Variants in VWA3B observed in about 807,000 individuals in gnomAD.
The protein encoded by VWA3B is von Willebrand factor A domain-containing protein 3B.
A neutral mutation model predicts 158.3 loss-of-function variants in VWA3B; 138 were observed. The observed-to-expected ratio is 0.87, with a 90% CI of 0.76 to 1.00. VWA3B has a LOEUF of 1.00. Among genes scored for constraint, VWA3B ranks in the 50% least tolerant of loss-of-function variants. VWA3B has a pLI of 0.00. For missense variants in VWA3B, 1,555 were observed against 1,565.1 expected (o/e 0.99, Z 0.11); for synonymous variants, 596 against 587.3 (o/e 1.01, Z -0.21).
intron 22 of VWA3B, among the ~76,000 whole-genome samples, chr2:98,277,697 C>T (rs2105908629): frequency 6.6e-6 from 1 of 152,132 alleles, no homozygotes; most frequent in East Asian, 1.9e-4. Context: ...AGAAAGAGAG[C>T]GTTAGGAAAA....
intron 13 of VWA3B, among the ~76,000 whole-genome samples, chr2:98,217,543 A>G (rs1396937949): frequency 6.6e-6 from 1 of 152,174 alleles, no homozygotes; most frequent in African/African-American, 2.4e-5. Flanking sequence ...CATGGACTGT[A>G]AGTTCAGGCA....
At chr2:98,113,696 C>G (rs963197067) in intron 2 of VWA3B, among the ~76,000 whole-genome samples, 1 of 152,156 alleles carries the variant, frequency 6.6e-6, no homozygotes, top group African/African-American at 2.4e-5. Context: ...TCTACACTTT[C>G]CTACCCCTAA....
intron 2 of VWA3B, among the ~76,000 whole-genome samples, chr2:98,099,731 C>T (rs1682955338): frequency 6.6e-6 from 1 of 152,042 alleles, no homozygotes; most frequent in Non-Finnish European, 1.5e-5. Flanking sequence ...TCCCATAAGT[C>T]CCATAGCTTT....
chr2:98,317,710 A>G, downstream of VWA3B, among the ~76,000 whole-genome samples: 1 of 152,160 alleles, frequency 6.6e-6, no homozygotes, highest in East Asian at 1.9e-4. Flanking sequence ...TCTATATCTT[A>G]AAGGTATTTA....
In VWA3B at chr2:98,303,376, G is replaced by A. The variant is rs1690314753; in HGVS notation, c.3421-326G>A. 3.3e-5 allele frequency among the ~76,000 whole-genome samples: 5 copies of A among 150,914 alleles called. No homozygotes were observed. The Admixed American group carries it at 3.3e-4, about 10-fold the overall frequency. On this transcript the variant is annotated intron_variant, in intron 25 of 27. Transcript: ENST00000477737. ...AGGTGGGGCAGTCAGCAAAAGTGGT[G>A]GCCAAAGGCTGAAATAAAGATAGAA...
At chr2:98,316,953 G>A (rs562687067), downstream of VWA3B, among the ~76,000 whole-genome samples, 4 of 152,258 alleles carry the variant, frequency 2.6e-5, no homozygotes, top group South Asian at 8.3e-4. Flanking sequence ...GGAACCATGA[G>A]CCAATTAAAC....
In VWA3B at chr2:98,234,517, G is replaced by T; in HGVS notation, c.2309-131G>T. 1.2e-5 allele frequency: 16 copies of T among 1,349,626 alleles called. No homozygotes were observed. In the South Asian group the frequency reaches 2.3e-4, roughly 19 times the overall value. The allele number at this position is 1,349,626 out of a possible 1,614,324, so 83.6% of individuals were successfully genotyped here. A position where few individuals can be genotyped will look rare whatever the true frequency, so the allele number is the denominator to read the frequency against. On this transcript the variant is annotated intron_variant, in intron 16 of 27. Transcript: ENST00000477737. Reference sequence around the variant, plus strand: ...TCCTGGCAGCATTCAGTTTGTGGCAGCACCATCCTCAGAGGGTTGGGAAAC... The same window carrying T: ...TCCTGGCAGCATTCAGTTTGTGGCATCACCATCCTCAGAGGGTTGGGAAAC...
At chr2:98,129,100 G>C (rs966538229) in intron 6 of VWA3B, among the ~76,000 whole-genome samples, 3 of 152,192 alleles carry the variant, frequency 2.0e-5, no homozygotes, top group African/African-American at 7.2e-5. Flanking sequence ...GGAAGTACTA[G>C]GTGAAGGAGA....
intron 22 of VWA3B, among the ~76,000 whole-genome samples, chr2:98,277,791 C>T (rs1688617523): frequency 6.6e-6 from 1 of 152,146 alleles, no homozygotes; most frequent in Admixed American, 6.6e-5. Flanking sequence ...CTGTTGAGAA[C>T]ATTCTGTTGG....
intron 12 of VWA3B, among the ~76,000 whole-genome samples, chr2:98,200,753 T>G (rs962714170): frequency 6.6e-6 from 1 of 152,242 alleles, no homozygotes; most frequent in Non-Finnish European, 1.5e-5. Context: ...CTAAACACAT[T>G]GCAGTCATGC....
At chr2:98,223,308 C>CAAAAAAAAAA (rs35992329) in intron 14 of VWA3B, among the ~76,000 whole-genome samples, 1 of 123,596 alleles carries the variant, frequency 8.1e-6, no homozygotes. Context: ...GAAAATAGAC[C>CAAAAAAAAAA]AAAAAAAAAA....
intron 7 of VWA3B, among the ~76,000 whole-genome samples, chr2:98,150,230 T>A (rs1485888575): frequency 6.6e-6 from 1 of 152,240 alleles, no homozygotes; most frequent in Non-Finnish European, 1.5e-5. Flanking sequence ...TTTAGATTCC[T>A]ATAGGTACAT....
rs1347503639 is a variant in VWA3B at position 98,312,552 on chromosome 2, T to G, written c.*203T>G. 1.7e-6 allele frequency: 1 copy of G among 601,972 alleles called. No individual in the cohort carries two copies. Among genetic ancestry groups the G allele is most frequent in the Admixed American group, 3.2e-5 (1 of 31,076 alleles). The allele number at this position is 601,972 out of a possible 1,614,324, so 37.3% of individuals were successfully genotyped here. On this transcript the variant is annotated 3_prime_UTR_variant, in exon 28 of 28. Coordinates refer to ENST00000477737, the MANE Select transcript of VWA3B (RefSeq NM_144992.5). Reference sequence around the variant, plus strand: ...GTTTGACGACTTGGTTCTGGCTTTTTCTGACTGTTCTTTATCCTGTTTTCC... The same window carrying G: ...GTTTGACGACTTGGTTCTGGCTTTTGCTGACTGTTCTTTATCCTGTTTTCC...
At chr2:98,299,379 C>T (rs543210723) in intron 24 of VWA3B, among the ~76,000 whole-genome samples, 3 of 152,320 alleles carry the variant, frequency 2.0e-5, no homozygotes, top group Admixed American at 1.3e-4. Context: ...ATCCTCTTGC[C>T]GCGTTCCTAA....
chr2:98,193,850 A>G (rs1681805775), intron 11 of VWA3B, among the ~76,000 whole-genome samples: 1 of 152,064 alleles, frequency 6.6e-6, no homozygotes, highest in African/African-American at 2.4e-5. Flanking sequence ...GGCCTCCCAA[A>G]GTGCTGGGAC....
chr2:98,212,036 C>A lies in VWA3B; in HGVS notation c.1836+8C>A. 1 of 1,612,694 alleles carries A rather than the reference C, an allele frequency of 6.2e-7. No homozygotes were observed. Among genetic ancestry groups the A allele is most frequent in the Middle Eastern group, 1.7e-4 (1 of 6,058 alleles). ...GATGGGAGACCTGATCAGGTACTTA[C>A]CAGAGCTGGGAACAAAGAGGGCCTC... On this transcript the variant is annotated splice_region_variant and intron_variant, in intron 13 of 27. Coordinates refer to ENST00000477737, the MANE Select transcript of VWA3B (RefSeq NM_144992.5).
intron 7 of VWA3B, among the ~76,000 whole-genome samples, chr2:98,134,664 C>CT (rs944893911): frequency 9.2e-5 from 14 of 151,992 alleles, no homozygotes; most frequent in Admixed American, 5.9e-4. Flanking sequence ...TGTTAGAAGT[C>CT]TAAGAAAGCT....
chr2:98,107,411 A>T (rs892209221), intron 2 of VWA3B, among the ~76,000 whole-genome samples: 2 of 151,896 alleles, frequency 1.3e-5, no homozygotes, highest in Non-Finnish European at 2.9e-5. Context: ...TAGAATTATT[A>T]TTTTTTGTTT....
intron 2 of VWA3B, among the ~76,000 whole-genome samples, chr2:98,107,643 G>T (rs1673777523): frequency 6.6e-6 from 1 of 152,010 alleles, no homozygotes; most frequent in Non-Finnish European, 1.5e-5. Context: ...TTTCATCCAA[G>T]TTGTCTAATT....
Sources: gnomAD v4.1 joint callset for allele counts (sites outside exome capture counted in the v4.1 genomes callset) on GRCh38, gnomAD v4.1.1 for gene constraint, MANE v1.5 for transcripts, NCBI Gene and HGNC (gene_info 2026-07-23, HGNC 2026-07-21) for gene names.